Variants in EML1 observed in about 807,000 individuals in gnomAD.
EML1 encodes echinoderm microtubule-associated protein-like 1.
Under a neutral mutation model 110.4 loss-of-function variants are expected in EML1, and 27 were observed. The observed-to-expected ratio is 0.24, with a 90% CI of 0.18 to 0.34. EML1 has a LOEUF of 0.34. Among genes scored for constraint, EML1 ranks in the 10% least tolerant of loss-of-function variants. EML1 has a pLI of 1.00. For synonymous variants in EML1, 344 were observed against 385.8 expected (o/e 0.89, Z 1.27); for missense variants, 741 against 1,030.9 (o/e 0.72, Z 3.85).
chr14:99,863,854 G>A (rs567604719), intron 2 of EML1, among the ~76,000 whole-genome samples: 1 of 152,354 alleles, frequency 6.6e-6, no homozygotes, highest in South Asian at 2.1e-4. Context: ...CCTAGTGTCA[G>A]TACAATTACT....
At chr14:99,832,055 C>T (rs758909682) in intron 1 of EML1, among the ~76,000 whole-genome samples, 6 of 152,114 alleles carry the variant, frequency 3.9e-5, no homozygotes, top group African/African-American at 1.4e-4. Context: ...CTCCCTGCCC[C>T]CCTCCACTCC....
intron 1 of EML1, among the ~76,000 whole-genome samples, chr14:99,751,149 G>A (rs1335687478): frequency 1.3e-5 from 2 of 152,134 alleles, no homozygotes; most frequent in African/African-American, 4.8e-5. Context: ...GCTGGGTCCT[G>A]GGGTACAGAG....
upstream of EML1, among the ~76,000 whole-genome samples, chr14:99,792,237 T>C (rs2057683550): frequency 6.6e-6 from 1 of 152,220 alleles, no homozygotes; most frequent in Admixed American, 6.5e-5. Flanking sequence ...AATTTTAACT[T>C]ACTCAGTTCT....
chr14:99,747,873 G>A (rs1403934916), intron 1 of EML1, among the ~76,000 whole-genome samples: 1 of 152,176 alleles, frequency 6.6e-6, no homozygotes, highest in Admixed American at 6.5e-5. Context: ...TTAGACACTT[G>A]GAAAGCCACC....
chr14:99,764,716 C>T (rs2057350151), intron 1 of EML1, among the ~76,000 whole-genome samples: 1 of 152,190 alleles, frequency 6.6e-6, no homozygotes, highest in African/African-American at 2.4e-5. Flanking sequence ...ACAGAAGCAG[C>T]AGGGTGGGCT....
chr14:99,740,384 C>T (rs1419335880), intron 1 of EML1, among the ~76,000 whole-genome samples: 1 of 152,188 alleles, frequency 6.6e-6, no homozygotes, highest in African/African-American at 2.4e-5. Context: ...TTTTGTGGGG[C>T]TTTTTGGCTT....
intron 8 of EML1, 77 bp from the exon 9 acceptor site, chr14:99,900,852 T>C (rs1266156447): frequency 2.4e-6 from 3 of 1,264,250 alleles, no homozygotes; most frequent in Non-Finnish European, 3.4e-6. Context: ...ACTGCCCAAG[T>C]AATCTTGTAG....
At chr14:99,741,778 C>A (rs774025872) in intron 1 of EML1, among the ~76,000 whole-genome samples, 1 of 152,168 alleles carries the variant, frequency 6.6e-6, no homozygotes. Flanking sequence ...CCAAGGAGGT[C>A]GCACTGCTCT....
chr14:99,856,024 A>G (rs569439037), intron 2 of EML1, among the ~76,000 whole-genome samples: 27 of 152,350 alleles, frequency 1.8e-4, no homozygotes, highest in South Asian at 6.2e-4. Context: ...TTGATTGACT[A>G]AGGGCTGGAC....
At position 99,781,147 on chromosome 14, in the gene EML1, C is replaced by T. The variant is rs2057535296; in HGVS notation, c.-27+7134C>T. ...TGGACCCCTGTTCCACTGGCCGCCT[C>T]CCTTCTCCTTGACTCGTCCCCAGCT... On this transcript the variant is annotated intron_variant, in intron 1 of 22. Coordinates refer to the EML1 transcript ENST00000327921. This position sits in a 1 kb window ranked among gnomAD's most constrained non-coding sequence, Gnocchi z 4.2. Among the ~76,000 whole-genome samples, 1 of 152,054 alleles carries T rather than the reference C, an allele frequency of 6.6e-6. No homozygotes were observed. The highest frequency in any genetic ancestry group is 2.4e-5 in the African/African-American group (1 of 41,400).
At position 99,874,801 on chromosome 14, in the gene EML1, G is replaced by A. The variant is rs571084835; in HGVS notation, c.384-3684G>A. The A allele has an allele frequency of 8.9e-5, 59 of 664,102 alleles. 1 individual carries two copies. In the Middle Eastern group the frequency reaches 1.2e-3, roughly 14 times the overall value. 41.1% of individuals were successfully genotyped at this position (664,102 alleles called of 1,614,324 possible). A position where few individuals can be genotyped will look rare whatever the true frequency, so the allele number is the denominator to read the frequency against. ...GGATTATATCCACGTCTATATTTGC[G>A]AACCAAAATGTCTTTCGATTTTGAT... On this transcript the variant is annotated intron_variant, in intron 3 of 21. Transcript: ENST00000262233.
chr14:99,750,307 A>G (rs2057161327), intron 1 of EML1, among the ~76,000 whole-genome samples: 1 of 152,192 alleles, frequency 6.6e-6, no homozygotes, highest in Non-Finnish European at 1.5e-5. Flanking sequence ...AGCAGGTCAG[A>G]TGCGATGAGG....
chr14:99,819,194 A>G (rs910234365), intron 1 of EML1, among the ~76,000 whole-genome samples: 3 of 152,128 alleles, frequency 2.0e-5, no homozygotes, highest in Non-Finnish European at 2.9e-5. Flanking sequence ...GCCTCAAGTC[A>G]TCCTTTCACC....
chr14:99,877,909 G>A (rs2059320444), intron 3 of EML1, among the ~76,000 whole-genome samples: 1 of 152,070 alleles, frequency 6.6e-6, no homozygotes, highest in African/African-American at 2.4e-5. Context: ...ATGTCTTGGG[G>A]GCACCATCCC....
At chr14:99,756,689 T>C (rs1434520886) in intron 1 of EML1, among the ~76,000 whole-genome samples, 2 of 152,118 alleles carry the variant, frequency 1.3e-5, no homozygotes, top group African/African-American at 4.8e-5. Flanking sequence ...GGGAGGTGTT[T>C]GTTAAAAAAT....
intron 3 of EML1, among the ~76,000 whole-genome samples, chr14:99,872,616 A>G (rs1490941936): frequency 6.6e-6 from 1 of 152,208 alleles, no homozygotes; most frequent in East Asian, 1.9e-4. Context: ...TCTGGCATTT[A>G]TGGGCTTCGG....
upstream of EML1, chr14:99,792,566 T>A (rs2057687836): frequency 6.6e-6 from 1 of 152,256 alleles, no homozygotes; most frequent in Non-Finnish European, 1.5e-5. Context: ...TTCTCCTAAC[T>A]CTTGGTGTCT....
At chr14:99,752,354 C>G (rs2057186869) in intron 1 of EML1, among the ~76,000 whole-genome samples, 1 of 152,208 alleles carries the variant, frequency 6.6e-6, no homozygotes. Flanking sequence ...ACACTCATCA[C>G]CAACGCCAGG....
intron 1 of EML1, among the ~76,000 whole-genome samples, chr14:99,757,493 C>T (rs1052627675): frequency 6.6e-6 from 1 of 152,156 alleles, no homozygotes; most frequent in Admixed American, 6.5e-5. Flanking sequence ...ACATGCCACA[C>T]GGCACAGACA....
Sources: allele counts gnomAD v4.1 joint callset (sites outside exome capture counted in the v4.1 genomes callset), GRCh38; gene constraint gnomAD v4.1.1; non-coding constraint Gnocchi (gnomAD v3.1); transcripts MANE v1.5; gene names NCBI Gene and HGNC (gene_info 2026-07-23, HGNC 2026-07-21).